Variants in MYO16 observed in about 807,000 individuals in gnomAD.
The protein encoded by MYO16 is myosin XVI, also known as unconventional myosin-XVI.
A neutral mutation model predicts 205.3 loss-of-function variants in MYO16; 94 were observed. The ratio of observed to expected loss-of-function variants is 0.46; its 90% CI spans 0.39 to 0.54. MYO16 has a LOEUF of 0.54. Among genes scored for constraint, MYO16 ranks in the 20% least tolerant of loss-of-function variants. The probability of loss-of-function intolerance (pLI) is 0.00; values close to 1 mark genes in which losing one functional copy is unlikely to be tolerated. For missense variants in MYO16, 2,315 were observed against 2,387.5 expected, an observed-to-expected ratio of 0.97 and a Z score of 0.63; for synonymous variants, 988 against 954.0, an observed-to-expected ratio of 1.04 and a Z score of -0.66.
At chr13:109,039,720 A>G (rs1309455647) in intron 23 of MYO16, among the ~76,000 whole-genome samples, 1 of 152,214 alleles carries the variant, frequency 6.6e-6, no homozygotes, top group Non-Finnish European at 1.5e-5. Context: ...AGAAATGTAT[A>G]TCACTAAATG....
chr13:109,156,455 G>A (rs1289924636), intron 32 of MYO16, among the ~76,000 whole-genome samples: 1 of 152,156 alleles, frequency 6.6e-6, no homozygotes, highest in African/African-American at 2.4e-5. Flanking sequence ...AGTTTAAAAT[G>A]TATTTTCACA....
chr13:108,691,461 G>A (rs1389088749), intron 2 of MYO16, among the ~76,000 whole-genome samples: 3 of 151,874 alleles, frequency 2.0e-5, no homozygotes, highest in African/African-American at 4.8e-5. Flanking sequence ...GAGAAAGAGA[G>A]AGAGAAAGAG....
At chr13:109,033,085 C>T (rs1205462528) in intron 23 of MYO16, among the ~76,000 whole-genome samples, 3 of 152,108 alleles carry the variant, frequency 2.0e-5, no homozygotes, top group Non-Finnish European at 4.4e-5. Flanking sequence ...CCCCTAAAGG[C>T]CCACCTAGGG....
chr13:108,589,147 T>A, the MYO16 span, among the ~76,000 whole-genome samples: 2 of 152,218 alleles, frequency 1.3e-5, no homozygotes, highest in Admixed American at 6.5e-5. Context: ...ACACTTGTTG[T>A]GCTGGAATAA....
chr13:109,159,242 T>C (rs1454214835), intron 32 of MYO16, among the ~76,000 whole-genome samples: 4 of 152,218 alleles, frequency 2.6e-5, no homozygotes, highest in Admixed American at 1.3e-4. Flanking sequence ...ATTTTCCTTA[T>C]CTTATAATTT....
chr13:109,037,226 CT>C (rs1283108677), intron 23 of MYO16, among the ~76,000 whole-genome samples: 1 of 152,220 alleles, frequency 6.6e-6, no homozygotes, highest in Non-Finnish European at 1.5e-5. Flanking sequence ...TGTTGTGCAG[CT>C]TTTCTTTGTT....
At chr13:108,918,205 A>G (rs1881585155) in intron 16 of MYO16, among the ~76,000 whole-genome samples, 1 of 152,262 alleles carries the variant, frequency 6.6e-6, no homozygotes, top group Non-Finnish European at 1.5e-5. Flanking sequence ...TGATAGTAGC[A>G]TAATTATGAT....
intron 12 of MYO16, among the ~76,000 whole-genome samples, chr13:108,882,515 A>G (rs1244909549): frequency 6.6e-6 from 1 of 152,256 alleles, no homozygotes; most frequent in East Asian, 1.9e-4. Flanking sequence ...AAGTAATAAA[A>G]TTTACTAGAA....
At chr13:108,977,930 T>C (rs1884322193) in intron 20 of MYO16, among the ~76,000 whole-genome samples, 1 of 152,122 alleles carries the variant, frequency 6.6e-6, no homozygotes, top group Non-Finnish European at 1.5e-5. Context: ...GGAAAAATTA[T>C]ACCATTTAGG....
At chr13:108,679,118 A>G (rs1424078367) in intron 2 of MYO16, among the ~76,000 whole-genome samples, 1 of 152,168 alleles carries the variant, frequency 6.6e-6, no homozygotes, top group Non-Finnish European at 1.5e-5. Context: ...TTGGGCTTCA[A>G]CATAAGAATA....
intron 1 of MYO16, among the ~76,000 whole-genome samples, chr13:108,613,793 C>T (rs547101800): frequency 2.6e-4 from 39 of 152,124 alleles, no homozygotes; most frequent in African/African-American, 9.1e-4. Context: ...GCCAAATGAT[C>T]GTCACAGTAG....
chr13:109,126,025 A>G (rs1291719279), intron 30 of MYO16, among the ~76,000 whole-genome samples: 1 of 152,226 alleles, frequency 6.6e-6, no homozygotes, highest in Non-Finnish European at 1.5e-5. Flanking sequence ...AGGGAGGGCA[A>G]GGAGCTGCTT....
intron 2 of MYO16, among the ~76,000 whole-genome samples, chr13:108,670,640 A>C (rs1415312258): frequency 1.3e-5 from 2 of 152,240 alleles, no homozygotes; most frequent in Non-Finnish European, 2.9e-5. Context: ...GATATAAAAA[A>C]TAAGAACTAC....
At chr13:108,954,303 G>C (rs369624154) in intron 16 of MYO16, among the ~76,000 whole-genome samples, 6 of 152,022 alleles carry the variant, frequency 3.9e-5, no homozygotes, top group African/African-American at 1.5e-4. Context: ...ATTGTTATTT[G>C]CAAAACAAGT....
intron 20 of MYO16, among the ~76,000 whole-genome samples, chr13:108,984,764 C>G (rs981265597): frequency 6.6e-6 from 1 of 152,140 alleles, no homozygotes; most frequent in African/African-American, 2.4e-5. Context: ...TTGTCAAAAA[C>G]CAACACATAA....
chr13:108,681,053 T>G (rs996451168), intron 2 of MYO16, among the ~76,000 whole-genome samples: 2 of 152,212 alleles, frequency 1.3e-5, no homozygotes, highest in African/African-American at 4.8e-5. Flanking sequence ...GCTCTAAAAT[T>G]TCCTCTTGCA....
the MYO16 span, among the ~76,000 whole-genome samples, chr13:108,575,118 A>G: frequency 6.6e-6 from 1 of 152,162 alleles, no homozygotes; most frequent in African/African-American, 2.4e-5. Flanking sequence ...GGTTTATCAG[A>G]TGCCCTCTAT....
At chr13:108,614,969 A>G (rs918189655) in intron 1 of MYO16, among the ~76,000 whole-genome samples, 3 of 152,126 alleles carry the variant, frequency 2.0e-5, no homozygotes, top group Admixed American at 6.6e-5. Flanking sequence ...GCTACATTAA[A>G]ATTGATAATT....
At chr13:109,011,052 A>G (rs537467999) in intron 22 of MYO16, among the ~76,000 whole-genome samples, 15 of 150,074 alleles carry the variant, frequency 1.0e-4, no homozygotes, top group African/African-American at 2.5e-4. Context: ...AGTGTACTCT[A>G]TGGAACTTCC....
Sources: allele counts gnomAD v4.1 joint callset (sites outside exome capture counted in the v4.1 genomes callset), GRCh38; gene constraint gnomAD v4.1.1; transcripts MANE v1.5; gene names NCBI Gene and HGNC (gene_info 2026-07-23, HGNC 2026-07-21).